The following MTF1 variants were observed in gnomAD, a reference collection of about 807,000 sequenced individuals.
MTF1 encodes the protein metal regulatory transcription factor 1.
Under a neutral mutation model 70.4 loss-of-function variants are expected in MTF1, and 22 were observed. The ratio of observed to expected loss-of-function variants is 0.31; its 90% CI spans 0.22 to 0.45. The LOEUF is 0.45. Among genes scored for constraint, MTF1 ranks in the 20% least tolerant of loss-of-function variants. The pLI is 1.00. For synonymous variants in MTF1, 333 were observed against 352.8 expected, an observed-to-expected ratio of 0.94 and a Z score of 0.63; for missense variants, 649 against 922.0, an observed-to-expected ratio of 0.70 and a Z score of 3.83.
chr1:37,856,790 G>A (rs912408191), intron 2 of MTF1, among the ~76,000 whole-genome samples: 2 of 152,234 alleles, frequency 1.3e-5, no homozygotes, highest in Admixed American at 1.3e-4. Context: ...GTGTGCCACT[G>A]TGAAATAAAA....
chr1:37,814,636 G>A lies in MTF1; in HGVS notation c.*500C>T. The A allele has an allele frequency of 6.0e-6, 1 of 166,462 alleles. No homozygotes were observed. Among genetic ancestry groups the A allele is most frequent in the Non-Finnish European group, 1.3e-5 (1 of 76,146 alleles). 10.3% of individuals were successfully genotyped at this position (166,462 alleles called of 1,614,324 possible). On this transcript the variant is annotated 3_prime_UTR_variant, in exon 11 of 11. Coordinates refer to ENST00000373036, the MANE Select transcript of MTF1 (RefSeq NM_005955.3). ...TGTCCAACTCACAGCTGCCTCACTG[G>A]CCTTTGCCACTGCCCTCTCTGATGG...
chr1:37,836,296 A>G (rs1003919315), intron 4 of MTF1, among the ~76,000 whole-genome samples: 1 of 152,176 alleles, frequency 6.6e-6, no homozygotes, highest in Non-Finnish European at 1.5e-5. Flanking sequence ...GAGCCCTGAC[A>G]ACAAAAGTCT....
At position 37,857,703 on chromosome 1, in the gene MTF1, G is replaced by A; in HGVS notation, c.-45C>T. The A allele has an allele frequency of 6.3e-7, 1 of 1,585,878 alleles. No individual in the cohort carries two copies. The highest frequency in any genetic ancestry group is 8.6e-7 in the Non-Finnish European group (1 of 1,162,068). ...CAGTTGTGAGAAATGAAAACGTAAT[G>A]ACTTGTCTGCAACAGAACAAAGCCA... On this transcript the variant is annotated 5_prime_UTR_variant, in exon 2 of 11. Coordinates refer to ENST00000373036, the MANE Select transcript of MTF1 (RefSeq NM_005955.3).
chr1:37,826,313 G>A lies in MTF1; in HGVS notation c.1069-2501C>T, dbSNP rs369977212. Among the ~76,000 whole-genome samples, 7 of 152,094 alleles carry A rather than the reference G, an allele frequency of 4.6e-5. 1 individual carries two copies. Among genetic ancestry groups the A allele is most frequent in the African/African-American group, 1.7e-4 (7 of 41,498 alleles). On this transcript the variant is annotated intron_variant, in intron 7 of 10. Transcript: ENST00000373036. Reference sequence around the variant, plus strand: ...TTTCCCCCCCTTTTTTTCAGACGGGGTCTAGCTCTGTTATCCAGGCGGGAG... The same window carrying A: ...TTTCCCCCCCTTTTTTTCAGACGGGATCTAGCTCTGTTATCCAGGCGGGAG...
intron 6 of MTF1, among the ~76,000 whole-genome samples, chr1:37,832,850 C>CA (rs1378452172): frequency 9.9e-5 from 15 of 151,688 alleles, no homozygotes; most frequent in African/African-American, 3.6e-4. Context: ...ACTAAAAATA[C>CA]AAAAAATTAG....
rs191475621 is a variant in MTF1, at chr1:37,839,928, T to C, written c.639A>G (p.Thr213=). 9.3e-6 allele frequency: 15 copies of C among 1,613,668 alleles called. No homozygotes were observed. The East Asian group carries it at 1.1e-4, about 12-fold the overall frequency. ...DVQGCEKAFN[T]LYRLKAHQRL... is the part of the protein sequence containing the mutation. ...TTGGAGACGAGACTGACCTGTACAG[T>C]GTGTTGAATGCCTTCTCACAGCCCT... The change falls in exon 3 of 11, where the codon ACA becomes ACG. Residue 213 remains threonine (T), a synonymous_variant. Transcript: ENST00000373036.
intron 1 of MTF1, chr1:37,858,471 A>G (rs1641535962): frequency 6.6e-6 from 1 of 152,224 alleles, no homozygotes; most frequent in Non-Finnish European, 1.5e-5. Flanking sequence ...AACAAGTATG[A>G]ATTCCTTCCC....
rs1485010965 is a variant in MTF1, at chr1:37,811,287, G to A, written c.*3849C>T. The stretch of plus-strand genomic sequence containing the variant: ...CAGGGAAGGCTTGCATAGATTGAGC[G>A]GTTGCTGAGAATGCATAATAGTGTT... On this transcript the variant is annotated 3_prime_UTR_variant, in exon 11 of 11. Transcript: ENST00000373036. The A allele has an allele frequency of 6.5e-6, 1 of 152,672 alleles. No individual in the cohort carries two copies. Among genetic ancestry groups the A allele is most frequent in the African/African-American group, 2.4e-5 (1 of 41,462 alleles). 9.5% of individuals were successfully genotyped at this position (152,672 alleles called of 1,614,324 possible). A position where few individuals can be genotyped will look rare whatever the true frequency, so the allele number is the denominator to read the frequency against.
intron 2 of MTF1, among the ~76,000 whole-genome samples, chr1:37,842,916 T>C (rs187934753): frequency 2.6e-5 from 4 of 152,302 alleles, no homozygotes; most frequent in East Asian, 1.9e-4. Flanking sequence ...AGCGGACTAC[T>C]GGGGTCAGGG....
intron 7 of MTF1, among the ~76,000 whole-genome samples, chr1:37,830,595 T>A (rs962157973): frequency 1.3e-5 from 2 of 152,262 alleles, no homozygotes; most frequent in African/African-American, 4.8e-5. Flanking sequence ...GATTACCTTT[T>A]CTCTTGTGGA....
intron 4 of MTF1, among the ~76,000 whole-genome samples, chr1:37,836,047 G>A (rs892629885): frequency 2.6e-5 from 4 of 152,102 alleles, no homozygotes; most frequent in African/African-American, 7.2e-5. Flanking sequence ...TGATCCGCCC[G>A]CCTCGGCCTC....
Position 37,823,817 on chromosome 1 carries a change from T to C in MTF1, c.1069-5A>G, listed in dbSNP as rs775892854. On this transcript the variant is annotated splice_region_variant and splice_polypyrimidine_tract_variant and intron_variant, in intron 7 of 10. Transcript: ENST00000373036. Reference sequence around the variant, plus strand: ...GCTGAGGTCCTGGCCCTGGGTCTGATGGAGAGAGACAAAGATGTGAGATTG... The same window carrying C: ...GCTGAGGTCCTGGCCCTGGGTCTGACGGAGAGAGACAAAGATGTGAGATTG... 21 of 1,609,374 alleles carry C rather than the reference T, an allele frequency of 1.3e-5. No homozygotes were observed. Among genetic ancestry groups the C allele is most frequent in the Non-Finnish European group, 1.7e-5 (20 of 1,175,900 alleles).
chr1:37,819,951 CAAAAAAAAAAAAAAAAAAAA>C (rs766621404), intron 9 of MTF1, among the ~76,000 whole-genome samples: 8 of 82,694 alleles, frequency 9.7e-5, no homozygotes, highest in Admixed American at 3.1e-4. Context: ...GACTCTGACT[CAAAAAAAAAAAAAAAAAAAA>C]AAAAAAAAAA....
At chr1:37,820,314 C>CA (rs1349196612) in intron 9 of MTF1, among the ~76,000 whole-genome samples, 5 of 152,250 alleles carry the variant, frequency 3.3e-5, no homozygotes, top group Non-Finnish European at 7.3e-5. Flanking sequence ...ACCCATATCT[C>CA]AAGGCTGACC....
chr1:37,816,265 C>T (rs947034006), intron 10 of MTF1, among the ~76,000 whole-genome samples: 1 of 152,188 alleles, frequency 6.6e-6, no homozygotes. Flanking sequence ...GGTGCAGTGG[C>T]TCATGCCTGT....
intron 9 of MTF1, among the ~76,000 whole-genome samples, chr1:37,820,985 T>C (rs1031199164): frequency 6.6e-5 from 10 of 152,034 alleles, no homozygotes; most frequent in South Asian, 6.2e-4. Context: ...TCAAGACCAG[T>C]CTGGGCAACA....
intron 5 of MTF1, 67 bp from the exon 6 acceptor site, chr1:37,835,282 T>C: frequency 7.2e-7 from 1 of 1,382,108 alleles, no homozygotes; most frequent in Non-Finnish European, 1.0e-6. Context: ...AAATCTACCT[T>C]TCCCTAATAG....
intron 9 of MTF1, among the ~76,000 whole-genome samples, chr1:37,820,700 T>C (rs989132288): frequency 6.6e-6 from 1 of 152,230 alleles, no homozygotes; most frequent in Admixed American, 6.5e-5. Context: ...GGTAGATACA[T>C]GACATTATGC....
Position 37,838,569 on chromosome 1 carries a change from A to G in MTF1, c.779+56T>C. ...TCTTTTTTGAAAAATTCCAGAGTATATCAAGACCCCCAGCTGAAACCTGGT... is the reference window on the plus strand; with the variant it reads ...TCTTTTTTGAAAAATTCCAGAGTATGTCAAGACCCCCAGCTGAAACCTGGT... On this transcript the variant is annotated intron_variant, in intron 4 of 10. Coordinates refer to ENST00000373036, the MANE Select transcript of MTF1 (RefSeq NM_005955.3). 3 of 1,525,530 alleles carry G rather than the reference A, an allele frequency of 2.0e-6. 1 individual carries two copies. The highest frequency in any genetic ancestry group is 2.3e-5 in the South Asian group (2 of 85,990). 94.5% of individuals were successfully genotyped at this position (1,525,530 alleles called of 1,614,324 possible).
Sources: allele counts gnomAD v4.1 joint callset (sites outside exome capture counted in the v4.1 genomes callset), GRCh38; gene constraint gnomAD v4.1.1; transcripts MANE v1.5; gene names NCBI Gene and HGNC (gene_info 2026-07-23, HGNC 2026-07-21).